Variants in RIMS2 observed in about 807,000 individuals in gnomAD.
RIMS2 encodes the protein regulating synaptic membrane exocytosis protein 2.
RIMS2 carries 59 observed loss-of-function variants against 174.4 expected under a neutral mutation model. The observed-to-expected ratio is 0.34, with a 90% CI of 0.27 to 0.42. The LOEUF (loss-of-function observed/expected upper bound fraction) is 0.42, where lower values mean the gene tolerates loss of function less well. RIMS2 is among the 10% of genes least tolerant of loss of function. RIMS2 has a pLI of 1.00. For synonymous variants in RIMS2, 606 were observed against 572.5 expected, an observed-to-expected ratio of 1.06 and a Z score of -0.84; for missense variants, 1,620 against 1,666.3, an observed-to-expected ratio of 0.97 and a Z score of 0.48.
intron 2 of RIMS2, among the ~76,000 whole-genome samples, chr8:103,697,578 A>G (rs2097121275): frequency 6.6e-6 from 1 of 151,810 alleles, no homozygotes; most frequent in Non-Finnish European, 1.5e-5. Flanking sequence ...ACCCACAAAA[A>G]TTAGCCAGGC....
intron 1 of RIMS2, among the ~76,000 whole-genome samples, chr8:103,657,588 G>A (rs1168014868): frequency 6.6e-6 from 1 of 152,220 alleles, no homozygotes; most frequent in Non-Finnish European, 1.5e-5. Flanking sequence ...TTTCTGGAAA[G>A]GAATTTTGAG....
chr8:103,964,304 C>T (rs57773033), intron 15 of RIMS2, among the ~76,000 whole-genome samples: 101,685 of 152,138 alleles, frequency 0.67, 34,798 homozygotes, highest in African/African-American at 0.7. Flanking sequence ...TGAATGAGAG[C>T]TCCTGTTGTT....
intron 19 of RIMS2, among the ~76,000 whole-genome samples, chr8:104,205,705 T>C (rs999445396): frequency 4.6e-5 from 7 of 152,108 alleles, no homozygotes; most frequent in African/African-American, 1.7e-4. Flanking sequence ...CAGAAGCAGC[T>C]CTGTAGGTGA....
chr8:103,730,301 T>G (rs1472501898), intron 2 of RIMS2, among the ~76,000 whole-genome samples: 1 of 152,172 alleles, frequency 6.6e-6, no homozygotes, highest in African/African-American at 2.4e-5. Flanking sequence ...ATAGAGGACC[T>G]CTAATAATAT....
intron 4 of RIMS2, among the ~76,000 whole-genome samples, chr8:103,891,260 G>A (rs532832744): frequency 3.1e-4 from 47 of 152,074 alleles, no homozygotes; most frequent in African/African-American, 1.1e-3. Context: ...TTGTTATAAT[G>A]TAAAATATAT....
At chr8:103,623,531 C>G (rs1280358623) in intron 1 of RIMS2, among the ~76,000 whole-genome samples, 1 of 121,810 alleles carries the variant, frequency 8.2e-6, no homozygotes, top group Non-Finnish European at 1.6e-5. Flanking sequence ...GTCGCCCAGG[C>G]TGGAGTGCAG....
chr8:104,205,158 T>C (rs574068044), intron 19 of RIMS2, among the ~76,000 whole-genome samples: 13 of 152,304 alleles, frequency 8.5e-5, no homozygotes, highest in African/African-American at 3.1e-4. Flanking sequence ...TTGTTAGGAA[T>C]GTGAAAACTA....
chr8:104,203,901 G>A (rs1466032887), intron 19 of RIMS2, among the ~76,000 whole-genome samples: 1 of 152,014 alleles, frequency 6.6e-6, no homozygotes, highest in Non-Finnish European at 1.5e-5. Flanking sequence ...TTGCTTTGGT[G>A]ACTTTTATAA....
intron 4 of RIMS2, among the ~76,000 whole-genome samples, chr8:103,890,230 T>C (rs571985632): frequency 6.6e-6 from 1 of 152,142 alleles, no homozygotes; most frequent in East Asian, 1.9e-4. Context: ...TTCCAAGATC[T>C]GTCCTAAACT....
At position 103,936,577 on chromosome 8, in the gene RIMS2, C is replaced by T; in HGVS notation, c.2402C>T (p.Thr801Ile). 6.3e-7 allele frequency: 1 copy of T among 1,586,110 alleles called. No individual in the cohort carries two copies. The change falls in exon 13 of 24, where the codon ACA becomes ATA. Residue 801 changes from threonine to isoleucine, a missense_variant. Transcript: ENST00000504942. ...GATAAAAACAAGAGAAGAACTAAAA[C>T]AGTAAAGAAAACATTGGAACCCAAA... is the stretch of plus-strand genomic sequence containing the variant.
At chr8:104,218,863 C>T (rs911145607) in intron 19 of RIMS2, among the ~76,000 whole-genome samples, 5 of 152,148 alleles carry the variant, frequency 3.3e-5, no homozygotes, top group African/African-American at 9.7e-5. Context: ...GGACCCCTGG[C>T]TTACATCATT....
intron 1 of RIMS2, among the ~76,000 whole-genome samples, chr8:103,647,758 CAGT>C (rs1471678336): frequency 2.0e-5 from 3 of 151,794 alleles, no homozygotes; most frequent in Non-Finnish European, 4.4e-5. Flanking sequence ...TCTGTGGGGT[CAGT>C]GGTGATATTC....
At position 103,719,584 on chromosome 8, in the gene RIMS2, A is replaced by G. The variant is rs555709857; in HGVS notation, c.387+22288A>G. On this transcript the variant is annotated intron_variant, in intron 2 of 23. Transcript: ENST00000504942. Reference sequence around the variant, plus strand: ...CTCAGGTTGTTAGTAGTAAATTACTATGAACATGTTGGTCTTAGAGATTGA... The same window carrying G: ...CTCAGGTTGTTAGTAGTAAATTACTGTGAACATGTTGGTCTTAGAGATTGA... Among the ~76,000 whole-genome samples, 23 of 152,350 alleles carry G rather than the reference A, an allele frequency of 1.5e-4. No individual in the cohort carries two copies. The South Asian group carries it at 1.7e-3, about 11-fold the overall frequency.
rs73699079 is a variant in RIMS2 at position 104,149,130 on chromosome 8, T to C, written c.3335-95786T>C. Among the ~76,000 whole-genome samples, 882 of 152,328 alleles carry C rather than the reference T, an allele frequency of 5.8e-3. 6 individuals carry two copies. The highest frequency in any genetic ancestry group is 0.02 in the African/African-American group (850 of 41,562). On this transcript the variant is annotated intron_variant, in intron 19 of 23. Transcript: ENST00000504942. ...GCTGTGACACCCAATTGCCAGCTGC[T>C]GATCCTTTGTAAAGATAATCTGAAA...
chr8:104,010,548 G>A (rs897201456), intron 17 of RIMS2, among the ~76,000 whole-genome samples: 3 of 152,084 alleles, frequency 2.0e-5, no homozygotes, highest in African/African-American at 7.2e-5. Flanking sequence ...TAGTGGAGGG[G>A]CTGATACACA....
intron 4 of RIMS2, among the ~76,000 whole-genome samples, chr8:103,892,688 T>C (rs1407209494): frequency 1.3e-5 from 2 of 152,104 alleles, no homozygotes; most frequent in African/African-American, 2.4e-5. Flanking sequence ...TGATGTTACA[T>C]GGATATAATA....
intron 2 of RIMS2, among the ~76,000 whole-genome samples, chr8:103,760,508 T>C (rs2098098797): frequency 6.6e-6 from 1 of 152,336 alleles, no homozygotes; most frequent in South Asian, 2.1e-4. Context: ...TGAGGGCTTG[T>C]AGTTTAGTAG....
In RIMS2 at chr8:104,236,173, T is replaced by C. The variant is rs78458433; in HGVS notation, c.3335-8743T>C. 3.2e-4 allele frequency among the ~76,000 whole-genome samples: 48 copies of C among 152,128 alleles called. No individual in the cohort carries two copies. In the East Asian group the frequency reaches 8.5e-3, roughly 27 times the overall value. On this transcript the variant is annotated intron_variant, in intron 19 of 23. Transcript: ENST00000504942. ...TTAAATGTCATAGGTGATATAAACT[T>C]TATATAGTCCATCGATAGACACATA...
At chr8:103,795,553 CA>C (rs1206946932) in intron 3 of RIMS2, among the ~76,000 whole-genome samples, 11 of 151,958 alleles carry the variant, frequency 7.2e-5, no homozygotes, top group African/African-American at 2.7e-4. Context: ...ACGTTGTGTA[CA>C]TGTATCCTAG....
Sources: allele counts gnomAD v4.1 joint callset (sites outside exome capture counted in the v4.1 genomes callset), GRCh38; gene constraint gnomAD v4.1.1; transcripts MANE v1.5; gene names NCBI Gene and HGNC (gene_info 2026-07-23, HGNC 2026-07-21).